Variants in PDIA3 observed in about 807,000 individuals in gnomAD.
The protein encoded by PDIA3 is protein disulfide isomerase family A member 3.
A neutral mutation model predicts 56.9 loss-of-function variants in PDIA3; 16 were observed. That is an observed-to-expected ratio of 0.28 (90% CI 0.19 to 0.43). The LOEUF is 0.43. PDIA3 is among the 20% of genes least tolerant of loss of function. PDIA3 has a pLI of 1.00. For missense variants in PDIA3, 485 were observed against 621.3 expected (o/e 0.78, Z 2.33); for synonymous variants, 192 against 216.5 (o/e 0.89, Z 0.99).
chr15:43,762,073 T>A (rs923087454), intron 4 of PDIA3, among the ~76,000 whole-genome samples: 1 of 152,246 alleles, frequency 6.6e-6, no homozygotes, highest in Non-Finnish European at 1.5e-5. Context: ...CGTTTTTAAA[T>A]GACATGAGCC....
intron 3 of PDIA3, among the ~76,000 whole-genome samples, chr15:43,760,809 G>A (rs1482391354): frequency 1.3e-5 from 2 of 151,562 alleles, no homozygotes; most frequent in East Asian, 4.0e-4. Context: ...GTGATTACAG[G>A]CGTGAGCCAC....
chr15:43,757,315 T>C (rs1486291179), intron 3 of PDIA3, among the ~76,000 whole-genome samples: 6 of 152,022 alleles, frequency 3.9e-5, no homozygotes, highest in Admixed American at 3.3e-4. Context: ...TCCCAGCACT[T>C]TGGGAGGCCG....
intron 3 of PDIA3, among the ~76,000 whole-genome samples, 178 bp downstream of exon 3, chr15:43,756,944 T>C (rs551368949): frequency 5.3e-5 from 8 of 152,352 alleles, no homozygotes; most frequent in East Asian, 3.9e-4. Flanking sequence ...ATAAGTAATA[T>C]AGAAAATACA....
At chr15:43,767,010 G>C (rs1596024750) in intron 8 of PDIA3, 100 bp downstream of exon 8, 1 of 1,091,184 alleles carries the variant, frequency 9.2e-7, no homozygotes, top group Non-Finnish European at 1.4e-6. Flanking sequence ...TGTGAAGATA[G>C]GTCTTTTAAT....
chr15:43,752,041 A>G (rs2086747755), intron 1 of PDIA3, among the ~76,000 whole-genome samples: 1 of 152,154 alleles, frequency 6.6e-6, no homozygotes, highest in Non-Finnish European at 1.5e-5. Flanking sequence ...TATCTTCTAG[A>G]TGGCTTTACT....
intron 4 of PDIA3, among the ~76,000 whole-genome samples, 153 bp downstream of exon 4, chr15:43,761,684 G>A (rs2086817232): frequency 6.6e-6 from 1 of 151,918 alleles, no homozygotes; most frequent in African/African-American, 2.4e-5. Context: ...TTACTATAAT[G>A]TACTATATAG....
At chr15:43,751,469 GGATA>G (rs1428089980) in intron 1 of PDIA3, 1 of 583,776 alleles carries the variant, frequency 1.7e-6, no homozygotes, top group African/African-American at 1.9e-5. Flanking sequence ...CCATCCCTGA[GGATA>G]GATAGAATTA....
chr15:43,751,526 G>T, intron 1 of PDIA3: 1 of 1,108,638 alleles, frequency 9.0e-7, no homozygotes, highest in Non-Finnish European at 1.2e-6. Context: ...AAGAAGTAGT[G>T]GTTAATCTTG....
intron 6 of PDIA3, 146 bp from the exon 7 acceptor site, chr15:43,765,741 C>A: frequency 1.1e-6 from 1 of 904,008 alleles, no homozygotes; most frequent in South Asian, 1.6e-5. Flanking sequence ...CTCCTGTTGT[C>A]ATCCTGTAAG....
chr15:43,760,653 C>T (rs922089851), intron 3 of PDIA3, among the ~76,000 whole-genome samples: 13 of 151,102 alleles, frequency 8.6e-5, no homozygotes, highest in Non-Finnish European at 1.8e-4. Context: ...CTCAGCCTCC[C>T]GAGTAGCTCG....
At chr15:43,770,651 T>G (rs1384010594) in intron 12 of PDIA3, 71 bp downstream of exon 12, 1 of 988,372 alleles carries the variant, frequency 1.0e-6, no homozygotes, top group East Asian at 2.4e-5. Context: ...ACATAGTTCT[T>G]TAATTGGGTT....
In PDIA3 at chr15:43,761,434, C is replaced by T. The variant is rs1434993304; in HGVS notation, c.375C>T (p.Val125=). 8 of 1,577,012 alleles carry T rather than the reference C, an allele frequency of 5.1e-6. No homozygotes were observed. In the East Asian group the frequency reaches 1.8e-4, roughly 35 times the overall value. ...ATTTTGACTTCTAAGATGGAATTGT[C>T]AGCCACTTGAAGAAGCAGGCAGGAC... ...YDGPRTADGI[V]SHLKKQAGPA... The change falls in exon 4 of 13, where the codon GTC becomes GTT. Residue 125 remains valine (V), a synonymous_variant. Transcript: ENST00000300289.
intron 2 of PDIA3, among the ~76,000 whole-genome samples, chr15:43,754,136 C>T (rs2086761853): frequency 1.3e-5 from 2 of 152,202 alleles, no homozygotes; most frequent in African/African-American, 4.8e-5. Flanking sequence ...TGGCTCATGC[C>T]TGTAATCCCA....
intron 2 of PDIA3, among the ~76,000 whole-genome samples, chr15:43,754,433 G>A (rs889465140): frequency 6.6e-6 from 1 of 151,192 alleles, no homozygotes; most frequent in African/African-American, 2.4e-5. Context: ...GTGAGAGTAA[G>A]GAAATTACTG....
intron 1 of PDIA3, among the ~76,000 whole-genome samples, chr15:43,750,340 A>G (rs984717698): frequency 6.6e-5 from 10 of 150,876 alleles, no homozygotes; most frequent in Non-Finnish European, 1.0e-4. Flanking sequence ...TTTGCAGTTG[A>G]TTTTGTAGAC....
chr15:43,764,288 C>G lies in PDIA3; in HGVS notation c.602+1082C>G, dbSNP rs569095604. ...TGAAGGGGGAGTGGTGCAAGGCATT[C>G]TAAGGATTCTAAGGAGAATTCTAAG... On this transcript the variant is annotated intron_variant, in intron 5 of 12. Coordinates refer to ENST00000300289, the MANE Select transcript of PDIA3 (RefSeq NM_005313.5). Among the ~76,000 whole-genome samples, 3 of 152,224 alleles carry G rather than the reference C, an allele frequency of 2.0e-5. No homozygotes were observed. In the East Asian group the frequency reaches 5.8e-4, roughly 29 times the overall value.
chr15:43,769,186 TG>T (rs1337458927), intron 9 of PDIA3, among the ~76,000 whole-genome samples: 29 of 152,326 alleles, frequency 1.9e-4, no homozygotes, highest in Non-Finnish European at 2.9e-5. Flanking sequence ...TATAGGGATG[TG>T]GTCTTACTCT....
At chr15:43,753,977 A>C (rs897049090) in intron 2 of PDIA3, 75 bp downstream of exon 2, 2 of 960,836 alleles carry the variant, frequency 2.1e-6, no homozygotes, top group Non-Finnish European at 3.4e-6. Flanking sequence ...GCTTTGTTAC[A>C]TGGAAAAAAA....
chr15:43,771,043 G>A (rs2086878627), intron 12 of PDIA3, 62 bp from the exon 13 acceptor site: 5 of 1,027,032 alleles, frequency 4.9e-6, no homozygotes, highest in Admixed American at 2.0e-5. Flanking sequence ...CTTCCTGTTT[G>A]GGTGGGGCAG....
Sources: gnomAD v4.1 joint callset for allele counts (sites outside exome capture counted in the v4.1 genomes callset) on GRCh38, gnomAD v4.1.1 for gene constraint, MANE v1.5 for transcripts, NCBI Gene and HGNC (gene_info 2026-07-23, HGNC 2026-07-21) for gene names.